Variants in COL5A1 observed in about 807,000 individuals in gnomAD.
COL5A1 encodes the protein collagen type V alpha 1 chain, also known as collagen alpha-1(V) chain.
COL5A1 carries 16 observed loss-of-function variants against 263.7 expected under a neutral mutation model. The ratio of observed to expected loss-of-function variants is 0.06; its 90% CI spans 0.04 to 0.09. The LOEUF (loss-of-function observed/expected upper bound fraction) is 0.09. Ranked by LOEUF, COL5A1 falls within the 10% of genes least tolerant of loss-of-function variation. The probability of loss-of-function intolerance (pLI) is 1.00; values close to 1 mark genes in which losing one functional copy is unlikely to be tolerated. For missense variants in COL5A1, 2,036 were observed against 2,540.5 expected (o/e 0.80, Z 4.27); for synonymous variants, 1,012 against 1,004.5 (o/e 1.01, Z -0.14).
rs1835184304 is a variant in COL5A1, at chr9:134,738,496, C to T, written c.1412C>T (p.Pro471Leu). 6.2e-7 allele frequency: 1 copy of T among 1,613,942 alleles called. No homozygotes were observed. The highest frequency in any genetic ancestry group is 8.5e-7 in the Non-Finnish European group (1 of 1,180,044). The change falls in exon 10 of 66, where the codon CCT becomes CTT. Residue 471 changes from proline (P) to leucine (L), a missense_variant. Transcript: ENST00000371817. ...IEPGMLIEGPPGPEGPAGLPG... is the reference protein window; with the variant it reads ...IEPGMLIEGPLGPEGPAGLPG... Reference sequence around the variant, plus strand: ...CAGGGCATGCTCATCGAGGGCCCGCCTGGCCCAGAAGGCCCCGCGGTGAGT... The same window carrying T: ...CAGGGCATGCTCATCGAGGGCCCGCTTGGCCCAGAAGGCCCCGCGGTGAGT...
chr9:134,821,068 T>C lies in COL5A1; in HGVS notation c.4554+845T>C, dbSNP rs1427996773. On this transcript the variant is annotated intron_variant, in intron 58 of 65. Transcript: ENST00000371817. The surrounding 1 kb of genome is among the most constrained non-coding windows in gnomAD (Gnocchi z 4.2). ...GAAGGGTGGAGCTCATTGCAAACCC[T>C]ACCTCACTGGCCAGTGTCCTCCATG... is the stretch of plus-strand genomic sequence containing the variant. Among the ~76,000 whole-genome samples, 1 of 152,120 alleles carries C rather than the reference T, an allele frequency of 6.6e-6. No individual in the cohort carries two copies. The highest frequency in any genetic ancestry group is 2.4e-5 in the African/African-American group (1 of 41,422).
intron 1 of COL5A1, among the ~76,000 whole-genome samples, chr9:134,644,434 T>G (rs867741184): frequency 0.41 from 69 of 168 alleles, no homozygotes; most frequent in Admixed American, 0.5. Context: ...ATGCAGGCGC[T>G]GGGGGGAGGG....
chr9:134,656,755 G>T (rs773352538), intron 1 of COL5A1, among the ~76,000 whole-genome samples: 1 of 151,544 alleles, frequency 6.6e-6, no homozygotes, highest in Admixed American at 6.6e-5. Flanking sequence ...GGCAGTAATT[G>T]TAACTTTTAT....
At position 134,843,575 on chromosome 9, in the gene COL5A1, C is replaced by T. The variant is rs115807049; in HGVS notation, c.*1272C>T. The T allele has an allele frequency of 4.6e-5, 7 of 152,782 alleles. No individual in the cohort carries two copies. Among genetic ancestry groups the T allele is most frequent in the Admixed American group, 2.0e-4 (3 of 15,308 alleles). The allele number at this position is 152,782 out of a possible 1,614,324, so 9.5% of individuals were successfully genotyped here. A position where few individuals can be genotyped will look rare whatever the true frequency, so the allele number is the denominator to read the frequency against. On this transcript the variant is annotated 3_prime_UTR_variant, in exon 66 of 66. Transcript: ENST00000371817. Reference sequence around the variant, plus strand: ...CACTCCCTCCTGCGCTCTCCCGCCCCGGTGCGTCCACTCCCGAGGGCTGTT... The same window carrying T: ...CACTCCCTCCTGCGCTCTCCCGCCCTGGTGCGTCCACTCCCGAGGGCTGTT...
At chr9:134,697,987 G>A (rs1833540367) in intron 2 of COL5A1, among the ~76,000 whole-genome samples, 1 of 152,158 alleles carries the variant, frequency 6.6e-6, no homozygotes, top group Non-Finnish European at 1.5e-5. Flanking sequence ...GGGAGGCTGA[G>A]GCAAGAGAAT....
At chr9:134,666,365 G>C (rs1440757850) in intron 1 of COL5A1, among the ~76,000 whole-genome samples, 1 of 150,066 alleles carries the variant, frequency 6.7e-6, no homozygotes, top group African/African-American at 2.5e-5. Context: ...GGCTCCTGGG[G>C]CCATTCTGCT....
Position 134,765,909 on chromosome 9 carries a change from G to C in COL5A1, c.2088+175G>C, listed in dbSNP as rs912101668. Among the ~76,000 whole-genome samples, 2 of 152,186 alleles carry C rather than the reference G, an allele frequency of 1.3e-5. No individual in the cohort carries two copies. Among genetic ancestry groups the C allele is most frequent in the Admixed American group, 6.5e-5 (1 of 15,292 alleles). Reference sequence around the variant, plus strand: ...ACTGATGTTCAGACGCTGTAGACACGGCCCCAGCAGGTGTGGCCTTGCAGG... The same window carrying C: ...ACTGATGTTCAGACGCTGTAGACACCGCCCCAGCAGGTGTGGCCTTGCAGG... On this transcript the variant is annotated intron_variant, in intron 21 of 65. Transcript: ENST00000371817. This position sits in a 1 kb window ranked among gnomAD's most constrained non-coding sequence, Gnocchi z 5.1.
Position 134,761,834 on chromosome 9 carries a change from T to C in COL5A1, c.1936-91T>C, listed in dbSNP as rs928567681. ...TCTTTTGAGAGCTTGGGAATCTTAC[T>C]GTCAGAATTAGAGAAAAACAAAGTG... On this transcript the variant is annotated intron_variant, in intron 18 of 65. Coordinates refer to ENST00000371817, the MANE Select transcript of COL5A1 (RefSeq NM_000093.5). 5.6e-6 allele frequency: 7 copies of C among 1,254,096 alleles called. No individual in the cohort carries two copies. The African/African-American group carries it at 1.0e-4, about 18-fold the overall frequency. 77.7% of individuals were successfully genotyped at this position (1,254,096 alleles called of 1,614,324 possible). A position where few individuals can be genotyped will look rare whatever the true frequency, so the allele number is the denominator to read the frequency against.
intron 9 of COL5A1, among the ~76,000 whole-genome samples, chr9:134,735,141 A>C (rs1168796481): frequency 6.6e-6 from 1 of 151,508 alleles, no homozygotes; most frequent in Non-Finnish European, 1.5e-5. Flanking sequence ...TGAACCCAGG[A>C]GGCGGAGGTT....
intron 27 of COL5A1, among the ~76,000 whole-genome samples, chr9:134,777,891 G>A (rs1022735441): frequency 5.9e-5 from 9 of 152,246 alleles, no homozygotes; most frequent in Admixed American, 2.6e-4. Context: ...AGGATCAGAC[G>A]CTGCTGAGCA....
At chr9:134,830,283 T>C in intron 64 of COL5A1, 4 of 1,157,926 alleles carry the variant, frequency 3.5e-6, no homozygotes, top group Non-Finnish European at 5.0e-6. Flanking sequence ...ACACCGCTCT[T>C]GCCAAACCGC....
In COL5A1 at chr9:134,782,738, G is replaced by T; in HGVS notation, c.2484+18G>T. 1.9e-6 allele frequency: 3 copies of T among 1,613,862 alleles called. No homozygotes were observed. The highest frequency in any genetic ancestry group is 2.5e-6 in the Non-Finnish European group (3 of 1,179,836). ...GTGATCGGGTGAGCATCTCAGGTTT[G>T]GGATTTGGGCTGGGGAAAGCTGGGT... is the stretch of plus-strand genomic sequence containing the variant. On this transcript the variant is annotated intron_variant, in intron 29 of 65. Transcript: ENST00000371817.
chr9:134,780,602 C>A (rs1328545691), intron 28 of COL5A1, among the ~76,000 whole-genome samples: 2 of 152,234 alleles, frequency 1.3e-5, no homozygotes, highest in African/African-American at 2.4e-5. Context: ...CAGAGCCAGG[C>A]AGGGAGGGAG....
rs1379837898 is a variant in COL5A1 at position 134,758,428 on chromosome 9, C to G, written c.1935+132C>G. The G allele has an allele frequency of 5.6e-6, 5 of 889,004 alleles. No homozygotes were observed. The highest frequency in any genetic ancestry group is 9.1e-6 in the Non-Finnish European group (5 of 549,648). 55.1% of individuals were successfully genotyped at this position (889,004 alleles called of 1,614,324 possible). A position where few individuals can be genotyped will look rare whatever the true frequency, so the allele number is the denominator to read the frequency against. On this transcript the variant is annotated intron_variant, in intron 18 of 65. Coordinates refer to ENST00000371817, the MANE Select transcript of COL5A1 (RefSeq NM_000093.5). The surrounding 1 kb of genome is among the most constrained non-coding windows in gnomAD (Gnocchi z 4.1). ...CTCCGCCATTCCAACAGTCAGTATA[C>G]AAACCTCACGGGAGTCAGCAATGGC...
Position 134,680,259 on chromosome 9 carries a change from G to A in COL5A1, c.110-10653G>A, listed in dbSNP as rs1234182931. Among the ~76,000 whole-genome samples the A allele has an allele frequency of 1.3e-5, 2 of 152,158 alleles. No homozygotes were observed. The highest frequency in any genetic ancestry group is 2.9e-5 in the Non-Finnish European group (2 of 68,030). On this transcript the variant is annotated intron_variant, in intron 1 of 65. Transcript: ENST00000371817. This position sits in a 1 kb window ranked among gnomAD's most constrained non-coding sequence, Gnocchi z 5.9. ...AGGTTAACATAGAGCCTCCAGGCCC[G>A]GCTACAGGCCATTTTCTCACCCTGT...
At chr9:134,723,046 C>T (rs557492749) in intron 4 of COL5A1, among the ~76,000 whole-genome samples, 3 of 152,292 alleles carry the variant, frequency 2.0e-5, no homozygotes, top group South Asian at 4.1e-4. Context: ...TGTCCTCGGT[C>T]ACTCCCCGTC....
intron 32 of COL5A1, among the ~76,000 whole-genome samples, chr9:134,792,850 CGCACACGTGTGTGT>C (rs1837756902): frequency 1.8e-5 from 1 of 55,072 alleles, no homozygotes; most frequent in South Asian, 5.0e-4. Context: ...TGTGTGTGTG[CGCACACGTGTGTGT>C]GCGCGCGTTT....
chr9:134,781,744 T>C (rs1450679382), intron 28 of COL5A1, among the ~76,000 whole-genome samples: 1 of 152,152 alleles, frequency 6.6e-6, no homozygotes, highest in Admixed American at 6.5e-5. Flanking sequence ...TGGCCGCTGC[T>C]CAGCTTCCAG....
chr9:134,793,139 C>T (rs1036807348), intron 32 of COL5A1, among the ~76,000 whole-genome samples: 5 of 151,934 alleles, frequency 3.3e-5, no homozygotes, highest in African/African-American at 1.2e-4. Flanking sequence ...CCCCTCGGGC[C>T]TCGGGCCAAG....
Sources: allele counts gnomAD v4.1 joint callset (sites outside exome capture counted in the v4.1 genomes callset), GRCh38; gene constraint gnomAD v4.1.1; non-coding constraint Gnocchi (gnomAD v3.1); transcripts MANE v1.5; gene names NCBI Gene and HGNC (gene_info 2026-07-23, HGNC 2026-07-21).